Variants in SPAG16 observed in about 807,000 individuals in gnomAD.
The protein encoded by SPAG16 is sperm associated antigen 16, also known as sperm-associated antigen 16 protein.
A neutral mutation model predicts 80.4 loss-of-function variants in SPAG16; 86 were observed. That is an observed-to-expected ratio of 1.07 (90% CI 0.90 to 1.28). SPAG16 has a LOEUF of 1.28. Ranked by LOEUF, SPAG16 falls within the 50% of genes most tolerant of loss-of-function variation. The probability of loss-of-function intolerance (pLI) is 0.00; values close to 1 mark genes in which losing one functional copy is unlikely to be tolerated. For missense variants in SPAG16, 870 were observed against 765.3 expected, an observed-to-expected ratio of 1.14 and a Z score of -1.61; for synonymous variants, 294 against 265.9, an observed-to-expected ratio of 1.11 and a Z score of -1.03.
At chr2:213,869,291 A>ATATATATGTT (rs1449042675) in intron 11 of SPAG16, among the ~76,000 whole-genome samples, 1 of 123,274 alleles carries the variant, frequency 8.1e-6, no homozygotes, top group Non-Finnish European at 1.7e-5. Flanking sequence ...GTATATATAT[A>ATATATATGTT]TGTATATATA....
chr2:213,694,136 G>A (rs2065064438), intron 10 of SPAG16, among the ~76,000 whole-genome samples: 1 of 152,112 alleles, frequency 6.6e-6, no homozygotes, highest in South Asian at 2.1e-4. Context: ...CAGTTTACTA[G>A]CTTGAGATCT....
intron 10 of SPAG16, among the ~76,000 whole-genome samples, chr2:213,801,799 C>T (rs1290601656): frequency 6.6e-6 from 1 of 152,108 alleles, no homozygotes; most frequent in Non-Finnish European, 1.5e-5. Context: ...TGAAAGTATT[C>T]CAAGCTTGGA....
chr2:213,794,742 C>T (rs1384617048), intron 10 of SPAG16, among the ~76,000 whole-genome samples: 2 of 140,344 alleles, frequency 1.4e-5, no homozygotes, highest in Non-Finnish European at 3.2e-5. Flanking sequence ...AATAACTCTT[C>T]GAAAAATACA....
chr2:213,769,051 A>G (rs1012665614), intron 10 of SPAG16, among the ~76,000 whole-genome samples: 2 of 152,290 alleles, frequency 1.3e-5, no homozygotes, highest in East Asian at 3.9e-4. Context: ...GGGTGAGGTC[A>G]GGTAGGAAAA....
At chr2:213,802,973 G>T (rs898917521) in intron 10 of SPAG16, among the ~76,000 whole-genome samples, 22 of 151,822 alleles carry the variant, frequency 1.4e-4, no homozygotes, top group Admixed American at 6.6e-4. Context: ...GGTAGTAATT[G>T]GTCTCATCTG....
At chr2:213,580,843 T>C (rs2060274957) in intron 10 of SPAG16, among the ~76,000 whole-genome samples, 1 of 152,130 alleles carries the variant, frequency 6.6e-6, no homozygotes, top group Non-Finnish European at 1.5e-5. Context: ...TTGTCAGACA[T>C]TTATTTACAT....
intron 10 of SPAG16, among the ~76,000 whole-genome samples, chr2:213,498,858 G>A (rs1400202122): frequency 6.6e-6 from 1 of 152,018 alleles, no homozygotes. Flanking sequence ...TGTCCAAAAT[G>A]AGTTGTTCAG....
At chr2:213,452,570 T>G (rs1361164068) in intron 9 of SPAG16, among the ~76,000 whole-genome samples, 2 of 152,232 alleles carry the variant, frequency 1.3e-5, no homozygotes, top group Non-Finnish European at 2.9e-5. Context: ...GTATACCCAC[T>G]CAGGAAACAG....
At chr2:213,393,840 C>A (rs1171624546) in intron 9 of SPAG16, among the ~76,000 whole-genome samples, 1 of 151,970 alleles carries the variant, frequency 6.6e-6, no homozygotes, top group Non-Finnish European at 1.5e-5. Flanking sequence ...TTCTATTTTT[C>A]TGATTACTAA....
At chr2:214,038,455 C>A (rs2048826221) in intron 13 of SPAG16, among the ~76,000 whole-genome samples, 1 of 152,002 alleles carries the variant, frequency 6.6e-6, no homozygotes, top group African/African-American at 2.4e-5. Flanking sequence ...TCAACTTTAT[C>A]TTTGTTTTAG....
chr2:213,715,222 G>GTCTATCTA (rs1553615157), intron 10 of SPAG16, among the ~76,000 whole-genome samples: 19,297 of 110,410 alleles, frequency 0.17, 1,426 homozygotes, highest in East Asian at 0.22. Context: ...AGATCTATCT[G>GTCTATCTA]TCTATCTATC....
At chr2:213,408,988 C>T (rs1204070647) in intron 9 of SPAG16, among the ~76,000 whole-genome samples, 1 of 151,026 alleles carries the variant, frequency 6.6e-6, no homozygotes, top group African/African-American at 2.4e-5. Flanking sequence ...GTCTAGTCCA[C>T]AGACATGAAG....
At chr2:214,053,802 A>C (rs2049788602) in intron 13 of SPAG16, among the ~76,000 whole-genome samples, 1 of 152,364 alleles carries the variant, frequency 6.6e-6, no homozygotes, top group East Asian at 1.9e-4. Flanking sequence ...CAGTCTATTC[A>C]TGCCAAAGCT....
At chr2:213,421,432 A>G (rs554884583) in intron 9 of SPAG16, among the ~76,000 whole-genome samples, 1 of 152,338 alleles carries the variant, frequency 6.6e-6, no homozygotes, top group East Asian at 1.9e-4. Context: ...GCCCCTTGGC[A>G]TGAACAGCCT....
intron 1 of SPAG16, 198 bp downstream of exon 1, chr2:213,284,817 A>G (rs542179455): frequency 4.1e-6 from 3 of 735,480 alleles, no homozygotes; most frequent in African/African-American, 3.6e-5. Flanking sequence ...TTAGTAGCCC[A>G]GGGTGTCCTG....
chr2:213,951,485 T>G (rs1447611220), intron 12 of SPAG16, among the ~76,000 whole-genome samples: 1 of 152,146 alleles, frequency 6.6e-6, no homozygotes, highest in Non-Finnish European at 1.5e-5. Flanking sequence ...TTTCTCCTGT[T>G]CTCAATTTAA....
chr2:213,377,176 A>G (rs2066918640), intron 9 of SPAG16, among the ~76,000 whole-genome samples: 1 of 152,216 alleles, frequency 6.6e-6, no homozygotes, highest in East Asian at 1.9e-4. Context: ...CCAGAATTTT[A>G]CAGGCATTGT....
intron 10 of SPAG16, among the ~76,000 whole-genome samples, chr2:213,713,098 G>T (rs541417249): frequency 6.6e-6 from 1 of 152,142 alleles, no homozygotes; most frequent in Non-Finnish European, 1.5e-5. Flanking sequence ...GGTCTGGTGA[G>T]AATTCACTCA....
chr2:213,790,896 T>G lies in SPAG16; in HGVS notation c.1071-71589T>G, dbSNP rs562371970. Among the ~76,000 whole-genome samples, 3 of 152,260 alleles carry G rather than the reference T, an allele frequency of 2.0e-5. No individual in the cohort carries two copies. The South Asian group carries it at 6.2e-4, about 32-fold the overall frequency. On this transcript the variant is annotated intron_variant, in intron 10 of 15. Coordinates refer to ENST00000331683, the MANE Select transcript of SPAG16 (RefSeq NM_024532.5). ...TGTTCTGACCTTTGTTGTCTCACTT[T>G]AACTCATCATCCAGCTGCTGCCTGA...
Sources: allele counts gnomAD v4.1 joint callset (sites outside exome capture counted in the v4.1 genomes callset), GRCh38; gene constraint gnomAD v4.1.1; transcripts MANE v1.5; gene names NCBI Gene and HGNC (gene_info 2026-07-23, HGNC 2026-07-21).